Variants in PRKAA2 observed in about 807,000 individuals in gnomAD.
PRKAA2 encodes 5'-AMP-activated protein kinase catalytic subunit alpha-2.
In PRKAA2, 40 loss-of-function variants were observed where a neutral mutation model predicts 56.3. The ratio of observed to expected loss-of-function variants is 0.71; its 90% CI spans 0.55 to 0.92. The LOEUF (loss-of-function observed/expected upper bound fraction) is 0.92. Ranked by LOEUF, PRKAA2 falls within the 40% of genes least tolerant of loss-of-function variation. PRKAA2 has a pLI of 0.00. For synonymous variants in PRKAA2, 214 were observed against 234.2 expected (o/e 0.91, Z 0.79); for missense variants, 542 against 686.9 (o/e 0.79, Z 2.36).
chr1:56,685,153 G>C (rs1239519649), intron 2 of PRKAA2, among the ~76,000 whole-genome samples: 3 of 152,038 alleles, frequency 2.0e-5, no homozygotes, highest in African/African-American at 7.2e-5. Context: ...GACTGGATGC[G>C]GTTACCAAAG....
At chr1:56,667,623 A>G (rs1237087928) in intron 1 of PRKAA2, among the ~76,000 whole-genome samples, 1 of 152,122 alleles carries the variant, frequency 6.6e-6, no homozygotes, top group Non-Finnish European at 1.5e-5. Flanking sequence ...GTCAGTTTGA[A>G]TTTCTCTAAG....
intron 1 of PRKAA2, among the ~76,000 whole-genome samples, chr1:56,651,683 C>T (rs1643900187): frequency 6.6e-6 from 1 of 152,048 alleles, no homozygotes; most frequent in South Asian, 2.1e-4. Context: ...TTTTGAAATG[C>T]CATATATAGA....
chr1:56,650,152 A>G (rs915713384), intron 1 of PRKAA2, among the ~76,000 whole-genome samples: 3 of 152,162 alleles, frequency 2.0e-5, no homozygotes, highest in African/African-American at 7.2e-5. Context: ...CAATTTATGG[A>G]CCAAAGTTAG....
rs1644390921 is a variant in PRKAA2 at position 56,714,268 on chromosome 1, G to A, written c.*6555G>A. The A allele has an allele frequency of 1.3e-5, 2 of 152,152 alleles. No individual in the cohort carries two copies. The highest frequency in any genetic ancestry group is 4.1e-4 in the South Asian group (2 of 4,836). The allele number at this position is 152,152 out of a possible 1,614,324, so 9.4% of individuals were successfully genotyped here. On this transcript the variant is annotated 3_prime_UTR_variant, in exon 9 of 9. Coordinates refer to ENST00000371244, the MANE Select transcript of PRKAA2 (RefSeq NM_006252.4). The stretch of plus-strand genomic sequence containing the variant: ...GAATCAGTTTCTTCCTTTGGCTGCT[G>A]AAGCAGCAGCAAGTCACGTAACCTC...
intron 8 of PRKAA2, among the ~76,000 whole-genome samples, 175 bp from the exon 9 acceptor site, chr1:56,707,300 T>G (rs1308841265): frequency 1.3e-5 from 2 of 152,184 alleles, no homozygotes; most frequent in African/African-American, 2.4e-5. Context: ...GCGATGTTTG[T>G]TATGATTGTT....
chr1:56,645,423 G>A lies in PRKAA2; in HGVS notation c.36G>A (p.Lys12=). The A allele has an allele frequency of 6.6e-7, 1 of 1,517,394 alleles. No individual in the cohort carries two copies. The highest frequency in any genetic ancestry group is 8.9e-7 in the Non-Finnish European group (1 of 1,127,542). The allele number at this position is 1,517,394 out of a possible 1,614,324, so 94.0% of individuals were successfully genotyped here. Residue 12 remains lysine (K), a synonymous_variant, in exon 1 of 9, where the codon AAG becomes AAA. Coordinates refer to ENST00000371244, the MANE Select transcript of PRKAA2 (RefSeq NM_006252.4). The part of the protein sequence containing the change: ...AEKQKHDGRV[K]IGHYVLGDTL... ...AGCAGAAGCACGACGGGCGGGTGAA[G>A]ATCGGACACTACGTGCTGGGCGACA...
At chr1:56,660,540 A>C (rs1643986099) in intron 1 of PRKAA2, among the ~76,000 whole-genome samples, 1 of 152,152 alleles carries the variant, frequency 6.6e-6, no homozygotes, top group Non-Finnish European at 1.5e-5. Context: ...TTAGCCTATC[A>C]CTACTAGACT....
rs750250924 is a variant in PRKAA2, at chr1:56,704,371, G to C, written c.1189G>C (p.Val397Leu). The change falls in exon 7 of 9, where the codon GTG (valine) becomes CTG (leucine). Residue 397 changes from valine to leucine, a missense_variant. Physicochemically the swap from Val to Leu is conservative, Grantham distance 32. This residue lies in a region of PRKAA2 where 198 missense variants were observed against 234.0 expected (regional missense o/e 0.85). Transcript: ENST00000371244. ...LNTTKPKSLA[V>L]KKAKWHLGIR... is the part of the protein sequence containing the mutation. ...TACGACTAAGCCCAAATCTTTAGCT[G>C]TGAAAAAAGCCAAGTGGCATCTTGG... is the stretch of plus-strand genomic sequence containing the variant. The C allele has an allele frequency of 1.2e-6, 2 of 1,614,142 alleles. No individual in the cohort carries two copies. Among genetic ancestry groups the C allele is most frequent in the Non-Finnish European group, 1.7e-6 (2 of 1,180,016 alleles).
At position 56,697,012 on chromosome 1, in the gene PRKAA2, A is replaced by ATTTT. The variant is rs752842791; in HGVS notation, c.788+865_788+868dup. Among the ~76,000 whole-genome samples the ATTTT allele has an allele frequency of 2.9e-4, 17 of 57,888 alleles. 3 individuals are homozygous for ATTTT. Among genetic ancestry groups the ATTTT allele is most frequent in the East Asian group, 1.2e-3 (2 of 1,724 alleles). 38.0% of individuals were successfully genotyped at this position (57,888 alleles called of 152,430 possible). Reference sequence around the variant, plus strand: ...CCTTTTCATCATTAGCCAGCAAAGAATTTTTTTTTTTTTTTAAGGCAGGGT... The same window carrying ATTTT: ...CCTTTTCATCATTAGCCAGCAAAGAATTTTTTTTTTTTTTTTTTTAAGGCAGGGT... On this transcript the variant is annotated intron_variant, in intron 6 of 8. Transcript: ENST00000371244.
intron 1 of PRKAA2, among the ~76,000 whole-genome samples, chr1:56,654,563 T>C (rs1263944666): frequency 1.3e-5 from 2 of 152,216 alleles, no homozygotes; most frequent in East Asian, 3.8e-4. Flanking sequence ...CCTAGTGTAT[T>C]TATCAACTAC....
At position 56,709,365 on chromosome 1, in the gene PRKAA2, C is replaced by CT. The variant is rs1173883710; in HGVS notation, c.*1654dup. 6.6e-6 allele frequency: 1 copy of CT among 152,130 alleles called. No individual in the cohort carries two copies. The highest frequency in any genetic ancestry group is 6.6e-5 in the Admixed American group (1 of 15,262). 9.4% of individuals were successfully genotyped at this position (152,130 alleles called of 1,614,324 possible). On this transcript the variant is annotated 3_prime_UTR_variant, in exon 9 of 9. Coordinates refer to ENST00000371244, the MANE Select transcript of PRKAA2 (RefSeq NM_006252.4). The stretch of plus-strand genomic sequence containing the variant: ...TCTTTTAAAAACTGATGTTAAATAA[C>CT]TTATAAGTCCAACTTCTTAATATCA...
At chr1:56,645,596 G>A in intron 1 of PRKAA2, 115 bp downstream of exon 1, 2 of 932,642 alleles carry the variant, frequency 2.1e-6, no homozygotes, top group African/African-American at 1.8e-5. Flanking sequence ...AGGTGGAGCG[G>A]TCCCGGGTCG....
chr1:56,693,031 C>T (rs1405738074), intron 4 of PRKAA2, among the ~76,000 whole-genome samples: 1 of 151,936 alleles, frequency 6.6e-6, no homozygotes, highest in East Asian at 1.9e-4. Context: ...TTTTTATACT[C>T]CAAACACTTT....
intron 2 of PRKAA2, among the ~76,000 whole-genome samples, chr1:56,684,534 G>T (rs189154835): frequency 6.6e-6 from 1 of 152,222 alleles, no homozygotes; most frequent in East Asian, 1.9e-4. Flanking sequence ...CAGTAAAAGA[G>T]AATGAAAATG....
chr1:56,695,861 A>T, intron 5 of PRKAA2, 74 bp from the exon 6 acceptor site: 1 of 1,230,290 alleles, frequency 8.1e-7, no homozygotes, highest in Admixed American at 1.8e-5. Flanking sequence ...TAGACTACCT[A>T]TATATAGAAG....
intron 6 of PRKAA2, 65 bp from the exon 7 acceptor site, chr1:56,703,906 A>G (rs1352556570): frequency 9.6e-6 from 14 of 1,464,010 alleles, no homozygotes; most frequent in African/African-American, 1.4e-5. Flanking sequence ...ATATTGCCCT[A>G]TGTCTAAATT....
Position 56,696,121 on chromosome 1 carries a change from G to A in PRKAA2, c.750G>A (p.Gln250=), listed in dbSNP as rs1380497132. The change falls in exon 6 of 9, where the codon CAG becomes CAA. Residue 250 remains glutamine, a synonymous_variant. Coordinates refer to ENST00000371244, the MANE Select transcript of PRKAA2 (RefSeq NM_006252.4). ...CCACTCTCCTGATGCATATGCTGCA[G>A]GTTGACCCACTGAAACGAGCAACTA... ...SVATLLMHML[Q]VDPLKRATIK... is the part of the protein sequence containing the mutation. The A allele has an allele frequency of 6.2e-7, 1 of 1,613,408 alleles. No individual in the cohort carries two copies. Among genetic ancestry groups the A allele is most frequent in the African/African-American group, 1.3e-5 (1 of 74,686 alleles).
intron 2 of PRKAA2, among the ~76,000 whole-genome samples, chr1:56,674,800 T>C (rs1644102238): frequency 6.6e-6 from 1 of 152,036 alleles, no homozygotes; most frequent in Non-Finnish European, 1.5e-5. Context: ...AAGTGATGAA[T>C]GAAGTTGATT....
intron 4 of PRKAA2, among the ~76,000 whole-genome samples, chr1:56,692,962 G>A (rs1329548749): frequency 1.3e-5 from 2 of 152,174 alleles, no homozygotes; most frequent in South Asian, 2.1e-4. Flanking sequence ...TAGGTGTAAC[G>A]TCTAATAACT....
Sources: allele counts gnomAD v4.1 joint callset (sites outside exome capture counted in the v4.1 genomes callset), GRCh38; gene constraint gnomAD v4.1.1; regional missense constraint gnomAD v4.1.1; transcripts MANE v1.5; gene names NCBI Gene and HGNC (gene_info 2026-07-23, HGNC 2026-07-21).